Variants in POU6F2 observed in about 807,000 individuals in gnomAD.
The protein encoded by POU6F2 is POU domain, class 6, transcription factor 2.
In POU6F2, 31 loss-of-function variants were observed where a neutral mutation model predicts 71.3. The ratio of observed to expected loss-of-function variants is 0.43; its 90% CI spans 0.33 to 0.59. POU6F2 has a LOEUF of 0.59. Among genes scored for constraint, POU6F2 ranks in the 20% least tolerant of loss-of-function variants. The pLI, the probability that POU6F2 is intolerant of heterozygous loss-of-function variation, is 0.04. For missense variants in POU6F2, 783 were observed against 856.8 expected, an observed-to-expected ratio of 0.91 and a Z score of 1.07; for synonymous variants, 347 against 355.7, an observed-to-expected ratio of 0.98 and a Z score of 0.27.
intron 1 of POU6F2, among the ~76,000 whole-genome samples, chr7:39,028,927 C>T (rs1789880354): frequency 6.6e-6 from 1 of 152,066 alleles, no homozygotes; most frequent in African/African-American, 2.4e-5. Context: ...ACCTCAGCCT[C>T]CTGAGTAGGG....
In POU6F2 at chr7:39,349,266, G is replaced by C. The variant is rs555336156; in HGVS notation, c.972+9251G>C. Among the ~76,000 whole-genome samples, 11 of 152,282 alleles carry C rather than the reference G, an allele frequency of 7.2e-5. No homozygotes were observed. The South Asian group carries it at 2.3e-3, about 32-fold the overall frequency. The stretch of plus-strand genomic sequence containing the variant: ...AAAATACCTGGCTGGGTTGCTTCTC[G>C]TGGCAGCTGAAGTCTTGGAGACCTT... On this transcript the variant is annotated intron_variant, in intron 5 of 9. Transcript: ENST00000518318.
chr7:39,160,820 C>T (rs868119324), intron 2 of POU6F2, among the ~76,000 whole-genome samples: 2 of 152,084 alleles, frequency 1.3e-5, no homozygotes, highest in African/African-American at 2.4e-5. Flanking sequence ...GGAGTGCCCA[C>T]GTGTTATAAT....
At chr7:39,097,087 A>G in intron 2 of POU6F2, among the ~76,000 whole-genome samples, 1 of 152,202 alleles carries the variant, frequency 6.6e-6, no homozygotes. Flanking sequence ...CAAGTTTTTA[A>G]CATTTTGCAC....
intron 2 of POU6F2, among the ~76,000 whole-genome samples, chr7:39,115,745 G>A (rs946932207): frequency 6.6e-6 from 1 of 152,078 alleles, no homozygotes; most frequent in African/African-American, 2.4e-5. Flanking sequence ...TTTGTTTTTT[G>A]GATGCCGCCA....
At chr7:39,287,010 A>G (rs1246036667) in intron 4 of POU6F2, among the ~76,000 whole-genome samples, 1 of 151,898 alleles carries the variant, frequency 6.6e-6, no homozygotes, top group Admixed American at 6.6e-5. Context: ...CTAACTTAAA[A>G]GATGTCAAGC....
intron 1 of POU6F2, among the ~76,000 whole-genome samples, chr7:38,986,857 A>G (rs1788476216): frequency 6.6e-6 from 1 of 152,158 alleles, no homozygotes; most frequent in African/African-American, 2.4e-5. Flanking sequence ...GAACTATACT[A>G]TACATAGAGT....
intron 5 of POU6F2, among the ~76,000 whole-genome samples, chr7:39,398,447 A>G (rs1351749342): frequency 6.6e-6 from 1 of 152,158 alleles, no homozygotes; most frequent in Non-Finnish European, 1.5e-5. Context: ...AGTTCCTACA[A>G]TGATCAAATC....
intron 1 of POU6F2, among the ~76,000 whole-genome samples, chr7:39,046,076 A>T (rs777258243): frequency 6.6e-5 from 10 of 152,004 alleles, no homozygotes; most frequent in Middle Eastern, 3.4e-3. Flanking sequence ...TAGCATCAGC[A>T]GGATATAACA....
intron 1 of POU6F2, among the ~76,000 whole-genome samples, chr7:39,033,659 T>G (rs1584510125): frequency 6.6e-6 from 1 of 152,228 alleles, no homozygotes. Flanking sequence ...TTCATGAGAA[T>G]GTGCCCAGCG....
chr7:39,098,375 G>A (rs576298318), intron 2 of POU6F2, among the ~76,000 whole-genome samples: 2 of 152,078 alleles, frequency 1.3e-5, no homozygotes, highest in South Asian at 4.2e-4. Context: ...CTGGGCTCAA[G>A]CGATCCTCCC....
At chr7:39,256,993 C>T (rs551960238) in intron 4 of POU6F2, among the ~76,000 whole-genome samples, 1 of 152,144 alleles carries the variant, frequency 6.6e-6, no homozygotes, top group African/African-American at 2.4e-5. Flanking sequence ...AAACTAATAC[C>T]GCATAGGAGT....
At chr7:39,080,458 G>A (rs1305110088) in intron 1 of POU6F2, among the ~76,000 whole-genome samples, 2 of 152,114 alleles carry the variant, frequency 1.3e-5, no homozygotes, top group African/African-American at 4.8e-5. Context: ...TTGGATGTAG[G>A]TAATTTGTTT....
intron 5 of POU6F2, among the ~76,000 whole-genome samples, chr7:39,363,463 G>A (rs550224892): frequency 2.6e-5 from 4 of 151,916 alleles, no homozygotes; most frequent in African/African-American, 9.7e-5. Flanking sequence ...TGGATAATCA[G>A]GTTTTGGAAA....
intron 4 of POU6F2, among the ~76,000 whole-genome samples, chr7:39,280,630 G>A (rs548026430): frequency 6.6e-6 from 1 of 152,290 alleles, no homozygotes; most frequent in African/African-American, 2.4e-5. Context: ...AATTTAAGGG[G>A]GGCAGTGAAG....
intron 5 of POU6F2, among the ~76,000 whole-genome samples, chr7:39,384,783 T>C (rs1436003247): frequency 6.6e-6 from 1 of 152,210 alleles, no homozygotes; most frequent in Non-Finnish European, 1.5e-5. Flanking sequence ...TACCTAATAT[T>C]GCCTTGTCTG....
At chr7:39,240,134 A>T (rs528784100) in intron 4 of POU6F2, among the ~76,000 whole-genome samples, 40 of 152,136 alleles carry the variant, frequency 2.6e-4, no homozygotes, top group Non-Finnish European at 5.4e-4. Context: ...GGCTGTGTGT[A>T]TTTGAAGCAT....
intron 1 of POU6F2, among the ~76,000 whole-genome samples, chr7:39,044,863 A>G (rs1016943695): frequency 1.6e-4 from 24 of 151,950 alleles, no homozygotes; most frequent in Non-Finnish European, 7.4e-5. Flanking sequence ...TGATTGGCTT[A>G]GCTGGGAAAC....
chr7:39,348,178 C>T (rs929821614), intron 5 of POU6F2, among the ~76,000 whole-genome samples: 2 of 119,074 alleles, frequency 1.7e-5, no homozygotes, highest in African/African-American at 5.6e-5. Context: ...TTATTTTTTC[C>T]TTGTAAATTC....
At chr7:39,229,218 A>C (rs1236501126) in intron 4 of POU6F2, among the ~76,000 whole-genome samples, 2 of 152,222 alleles carry the variant, frequency 1.3e-5, no homozygotes, top group Admixed American at 1.3e-4. Flanking sequence ...AAGAGAAAAC[A>C]ATAGGGCAGC....
Sources: allele counts gnomAD v4.1 joint callset (sites outside exome capture counted in the v4.1 genomes callset), GRCh38; gene constraint gnomAD v4.1.1; transcripts MANE v1.5; gene names NCBI Gene and HGNC (gene_info 2026-07-23, HGNC 2026-07-21).